WNT9B: variants seen among roughly 807,000 people sequenced by gnomAD.
WNT9B encodes Wnt family member 9B.
Under a neutral mutation model 30.2 loss-of-function variants are expected in WNT9B, and 12 were observed. The observed-to-expected ratio is 0.40, with a 90% confidence interval of 0.26 to 0.64. The LOEUF is 0.64. Among genes scored for constraint, WNT9B ranks in the 30% least tolerant of loss-of-function variants. WNT9B has a pLI of 0.42. For synonymous variants in WNT9B, 218 were observed against 216.9 expected, an observed-to-expected ratio of 1.01 and a Z score of -0.05; for missense variants, 442 against 485.2, an observed-to-expected ratio of 0.91 and a Z score of 0.84.
chr17:46,851,656 G>C lies in WNT9B; in HGVS notation c.18G>C (p.Ala6=). ...CCAGCACCATGCGCCCCCCGCCCGC[G>C]CTGGCCCTGGCCGGGCTCTGCCTGC... MRPPP[A]LALAGLCLLA... is the part of the protein sequence containing the mutation. The change falls in exon 1 of 4, where the codon GCG becomes GCC. Residue 6 remains alanine, a synonymous_variant. Transcript: ENST00000290015. This position sits in a 1 kb window ranked among gnomAD's most constrained non-coding sequence, Gnocchi z 4.3. 7.8e-7 allele frequency: 1 copy of C among 1,289,582 alleles called. No individual in the cohort carries two copies. The highest frequency in any genetic ancestry group is 9.8e-7 in the Non-Finnish European group (1 of 1,022,484). 79.9% of individuals were successfully genotyped at this position (1,289,582 alleles called of 1,614,324 possible).
intron 2 of WNT9B, among the ~76,000 whole-genome samples, 172 bp downstream of exon 2, chr17:46,872,945 A>T (rs2085276803): frequency 6.6e-6 from 1 of 152,096 alleles, no homozygotes. Context: ...AATGAGGGGC[A>T]GTTGAAGGCC....
In WNT9B at chr17:46,872,561, C is replaced by G. The variant is rs1190238760; in HGVS notation, c.122C>G (p.Thr41Ser). 5.7e-6 allele frequency: 9 copies of G among 1,588,498 alleles called. No individual in the cohort carries two copies. In the African/African-American group the frequency reaches 9.4e-5, roughly 17 times the overall value. Reference protein sequence around the residue: ...EVLTPFPGLGTAAAPAQGGAH... With the variant: ...EVLTPFPGLGSAAAPAQGGAH... ...CTGACGCCCTTCCCAGGATTGGGCA[C>G]TGCGGCAGCCCCGGCACAGGGCGGG... Residue 41 changes from threonine (T) to serine (S), a missense_variant, in exon 2 of 4, where the codon ACT (threonine) becomes AGT (serine). Physicochemically the swap from Thr to Ser is moderately conservative, Grantham distance 58. Transcript: ENST00000290015.
At position 46,872,728 on chromosome 17, in the gene WNT9B, C is replaced by T. The variant is rs1005356608; in HGVS notation, c.289C>T (p.Arg97Cys). The change falls in exon 2 of 4, where the codon CGC becomes TGC. Residue 97 changes from arginine (R) to cysteine (C), a missense_variant. Transcript: ENST00000290015. ...LECQFQFRHERWNCSLEGRMG... is the reference protein window; with the variant it reads ...LECQFQFRHECWNCSLEGRMG... ...GTGCCAGTTTCAGTTCCGGCATGAGCGCTGGAACTGTAGCCTGGAGGGCAG... is the reference window on the plus strand; with the variant it reads ...GTGCCAGTTTCAGTTCCGGCATGAGTGCTGGAACTGTAGCCTGGAGGGCAG... The T allele has an allele frequency of 2.1e-5, 33 of 1,609,346 alleles. No homozygotes were observed. Among genetic ancestry groups the T allele is most frequent in the Non-Finnish European group, 2.7e-5 (32 of 1,178,322 alleles).
chr17:46,865,245 A>G (rs1256407181), intron 1 of WNT9B, among the ~76,000 whole-genome samples: 2 of 152,216 alleles, frequency 1.3e-5, no homozygotes, highest in Non-Finnish European at 2.9e-5. Context: ...GATGCAAAGC[A>G]TGCTTGCTGT....
intron 2 of WNT9B, chr17:46,874,894 A>G: frequency 1.3e-6 from 1 of 763,572 alleles, no homozygotes; most frequent in South Asian, 1.6e-5. Flanking sequence ...TTCCATTTAA[A>G]TGGCAACTTG....
intron 3 of WNT9B, 107 bp downstream of exon 3, chr17:46,875,473 C>T (rs1483432571): frequency 8.7e-6 from 12 of 1,384,038 alleles, no homozygotes; most frequent in Middle Eastern, 2.0e-4. Flanking sequence ...CATGAAGAGC[C>T]GTGAACTTCA....
chr17:46,874,588 AT>A (rs2085311745), intron 2 of WNT9B, among the ~76,000 whole-genome samples: 1 of 152,034 alleles, frequency 6.6e-6, no homozygotes, highest in East Asian at 1.9e-4. Flanking sequence ...AATTAAAAAA[AT>A]TTTTTTGAGA....
At position 46,877,035 on chromosome 17, in the gene WNT9B, G is replaced by T; in HGVS notation, c.*317G>T. On this transcript the variant is annotated 3_prime_UTR_variant, in exon 4 of 4. Transcript: ENST00000290015. The stretch of plus-strand genomic sequence containing the variant: ...AAGAGCACAGCAGGACTGAAATTTT[G>T]GACGGGAGAGAGGGGCTATTCCATC... The T allele has an allele frequency of 8.5e-7, 1 of 1,170,574 alleles. No homozygotes were observed. Among genetic ancestry groups the T allele is most frequent in the Non-Finnish European group, 1.1e-6 (1 of 948,100 alleles). 72.5% of individuals were successfully genotyped at this position (1,170,574 alleles called of 1,614,324 possible).
chr17:46,850,936 GCGC>G, upstream of WNT9B, among the ~76,000 whole-genome samples: 1 of 152,220 alleles, frequency 6.6e-6, no homozygotes, highest in African/African-American at 2.4e-5. Flanking sequence ...GGCCCACGCT[GCGC>G]GCCTCGCCGG....
At chr17:46,843,592 G>A (rs189930011) in intron 1 of WNT9B, among the ~76,000 whole-genome samples, 3 of 152,264 alleles carry the variant, frequency 2.0e-5, no homozygotes, top group Non-Finnish European at 2.9e-5. Context: ...CTGCACAGTC[G>A]TTAAATATGT....
At chr17:46,866,554 G>A (rs568783968) in intron 1 of WNT9B, among the ~76,000 whole-genome samples, 11 of 152,152 alleles carry the variant, frequency 7.2e-5, no homozygotes, top group African/African-American at 2.2e-4. Context: ...CACAAAGGGC[G>A]CACTCACCAT....
At chr17:46,881,251 CA>C (rs1162704574), downstream of WNT9B, among the ~76,000 whole-genome samples, 1 of 152,244 alleles carries the variant, frequency 6.6e-6, no homozygotes, top group Non-Finnish European at 1.5e-5. Context: ...GAGGTGGGCC[CA>C]CAGTCCAGCC....
chr17:46,851,731 G>GC lies in WNT9B; in HGVS notation c.77+22dup. On this transcript the variant is annotated intron_variant, in intron 1 of 3. Coordinates refer to ENST00000290015, the MANE Select transcript of WNT9B (RefSeq NM_003396.3). The surrounding 1 kb of genome is among the most constrained non-coding windows in gnomAD (Gnocchi z 4.3). ...CCTACTTCGGGTCAGTGCCCGCCGCGCCCCCCGCCCGCTCCCCGGCCTGCC... is the reference window on the plus strand; with the variant it reads ...CCTACTTCGGGTCAGTGCCCGCCGCGCCCCCCCGCCCGCTCCCCGGCCTGCC... The GC allele has an allele frequency of 6.4e-6, 8 of 1,248,730 alleles. No homozygotes were observed. Among genetic ancestry groups the GC allele is most frequent in the East Asian group, 3.2e-5 (1 of 31,550 alleles). 77.4% of individuals were successfully genotyped at this position (1,248,730 alleles called of 1,614,324 possible).
chr17:46,851,548 C>T, upstream of WNT9B: 4 of 673,542 alleles, frequency 5.9e-6, no homozygotes, highest in Non-Finnish European at 8.3e-6. This position sits in a 1 kb window ranked among gnomAD's most constrained non-coding sequence, Gnocchi z 4.3. Flanking sequence ...CCCCGCCCCA[C>T]CCGGGTTTAA....
chr17:46,861,508 C>G (rs1044701867), intron 1 of WNT9B, among the ~76,000 whole-genome samples: 5 of 152,218 alleles, frequency 3.3e-5, no homozygotes, highest in Non-Finnish European at 7.3e-5. Context: ...GCCTGGCCAA[C>G]TGGGAGCCAT....
chr17:46,849,773 C>T (rs2084817594), upstream of WNT9B, among the ~76,000 whole-genome samples: 1 of 152,104 alleles, frequency 6.6e-6, no homozygotes, highest in East Asian at 1.9e-4. Context: ...GTTGTAAACA[C>T]CATCACACCC....
chr17:46,867,878 G>A (rs185953218), intron 1 of WNT9B, among the ~76,000 whole-genome samples: 63 of 152,250 alleles, frequency 4.1e-4, no homozygotes, highest in Non-Finnish European at 6.9e-4. Flanking sequence ...CCAAGCCAGA[G>A]GTCATCGCAT....
chr17:46,845,594 A>G (rs1312321777), intron 1 of WNT9B, among the ~76,000 whole-genome samples: 1 of 147,440 alleles, frequency 6.8e-6, no homozygotes, highest in Non-Finnish European at 1.5e-5. Flanking sequence ...GGTTCAAACG[A>G]TTTTCCTGCC....
At chr17:46,880,975 G>A (rs1315244671), downstream of WNT9B, among the ~76,000 whole-genome samples, 14 of 152,208 alleles carry the variant, frequency 9.2e-5, 1 homozygote, top group East Asian at 1.3e-3. Flanking sequence ...AGTCTAATAG[G>A]AGAAATGAGA....
Sources: allele counts gnomAD v4.1 joint callset (sites outside exome capture counted in the v4.1 genomes callset), GRCh38; gene constraint gnomAD v4.1.1; non-coding constraint Gnocchi (gnomAD v3.1); transcripts MANE v1.5; gene names NCBI Gene and HGNC (gene_info 2026-07-23, HGNC 2026-07-21).